The following ARK2C variants were observed in gnomAD, a reference collection of about 807,000 sequenced individuals.
ARK2C encodes the protein E3 ubiquitin-protein ligase ARK2C.
the ARK2C span, among the ~76,000 whole-genome samples, chr18:46,390,220 A>G: frequency 6.6e-6 from 1 of 152,208 alleles, no homozygotes; most frequent in South Asian, 2.1e-4. Flanking sequence ...ACTCTCACCT[A>G]GGATGTCCTG....
chr18:46,384,983 C>G, the ARK2C span, among the ~76,000 whole-genome samples: 1 of 152,230 alleles, frequency 6.6e-6, no homozygotes, highest in Non-Finnish European at 1.5e-5. Context: ...TTGATGGTCA[C>G]CTTTGTGCCC....
At chr18:46,334,294 G>T in the ARK2C span, 1 of 1,580,002 alleles carries the variant, frequency 6.3e-7, no homozygotes. This position sits in a 1 kb window ranked among gnomAD's most constrained non-coding sequence, Gnocchi z 4.4. Context: ...GTCCACGTCG[G>T]CTATCTCGTG....
chr18:46,338,417 C>T, the ARK2C span, among the ~76,000 whole-genome samples: 7 of 152,216 alleles, frequency 4.6e-5, no homozygotes, highest in African/African-American at 1.7e-4. Context: ...AGGCTGTGAG[C>T]CAGTTAAAGC....
chr18:46,366,218 G>A, the ARK2C span, among the ~76,000 whole-genome samples: 2 of 150,482 alleles, frequency 1.3e-5, no homozygotes, highest in African/African-American at 2.5e-5. Context: ...CTTGAACCCG[G>A]GAGGTGGAGG....
At chr18:46,395,653 G>A in the ARK2C span, among the ~76,000 whole-genome samples, 2 of 152,150 alleles carry the variant, frequency 1.3e-5, no homozygotes, top group African/African-American at 2.4e-5. Flanking sequence ...CTGCTGCAGG[G>A]GATAAGATCT....
the ARK2C span, chr18:46,460,205 A>T: frequency 6.6e-6 from 1 of 152,550 alleles, no homozygotes; most frequent in East Asian, 1.9e-4. Flanking sequence ...AAAGCACCAG[A>T]CTTTTTTTCT....
chr18:46,373,327 C>T, the ARK2C span, among the ~76,000 whole-genome samples: 1 of 152,266 alleles, frequency 6.6e-6, no homozygotes, highest in Non-Finnish European at 1.5e-5. Context: ...TCTAAGATTC[C>T]ATTCCTGCCC....
chr18:46,428,226 T>A, the ARK2C span, among the ~76,000 whole-genome samples: 1 of 152,020 alleles, frequency 6.6e-6, no homozygotes, highest in Non-Finnish European at 1.5e-5. Flanking sequence ...CTGGCCAACA[T>A]GGTGAAACCC....
chr18:46,369,947 A>G, the ARK2C span, among the ~76,000 whole-genome samples: 1 of 151,198 alleles, frequency 6.6e-6, no homozygotes, highest in African/African-American at 2.5e-5. Flanking sequence ...ACACACACAC[A>G]CGCACACACG....
the ARK2C span, among the ~76,000 whole-genome samples, chr18:46,411,765 A>C: frequency 6.6e-6 from 1 of 152,246 alleles, no homozygotes; most frequent in East Asian, 1.9e-4. Flanking sequence ...CAATGTGAAC[A>C]AAAGGGGGAC....
chr18:46,355,337 C>T, the ARK2C span, among the ~76,000 whole-genome samples: 7 of 152,116 alleles, frequency 4.6e-5, no homozygotes, highest in Non-Finnish European at 7.3e-5. Flanking sequence ...GTCCCGAGGT[C>T]CCTCTGAAGA....
the ARK2C span, among the ~76,000 whole-genome samples, chr18:46,364,494 C>T: frequency 6.6e-6 from 1 of 152,106 alleles, no homozygotes; most frequent in South Asian, 2.1e-4. Context: ...GAGAACCCTT[C>T]GTGATGCCGA....
At chr18:46,437,496 C>T in the ARK2C span, among the ~76,000 whole-genome samples, 1 of 152,134 alleles carries the variant, frequency 6.6e-6, no homozygotes, top group African/African-American at 2.4e-5. Context: ...CATCAGAGAC[C>T]ACAGACTTCT....
At chr18:46,444,610 C>T in the ARK2C span, among the ~76,000 whole-genome samples, 1 of 151,940 alleles carries the variant, frequency 6.6e-6, no homozygotes, top group South Asian at 2.1e-4. Flanking sequence ...GACCAGAGGA[C>T]ACACCACCAT....
chr18:46,436,486 A>G, the ARK2C span, among the ~76,000 whole-genome samples: 2 of 152,192 alleles, frequency 1.3e-5, no homozygotes, highest in Non-Finnish European at 2.9e-5. Context: ...TAATCTATCA[A>G]TGGAAAAGAA....
At chr18:46,342,950 A>G in the ARK2C span, among the ~76,000 whole-genome samples, 1 of 152,034 alleles carries the variant, frequency 6.6e-6, no homozygotes, top group East Asian at 1.9e-4. Context: ...TACATTCTCT[A>G]TTTCCTATTT....
At chr18:46,435,159 C>T in the ARK2C span, 1 of 684,384 alleles carries the variant, frequency 1.5e-6, no homozygotes, top group Admixed American at 2.4e-5. Flanking sequence ...TCAGTGCTTG[C>T]TAGACTGTGG....
At chr18:46,349,920 C>T in the ARK2C span, among the ~76,000 whole-genome samples, 1 of 152,210 alleles carries the variant, frequency 6.6e-6, no homozygotes, top group South Asian at 2.1e-4. Flanking sequence ...TTTACACATT[C>T]ATCCACAGTT....
At chr18:46,413,749 G>T in the ARK2C span, among the ~76,000 whole-genome samples, 1 of 152,054 alleles carries the variant, frequency 6.6e-6, no homozygotes, top group East Asian at 1.9e-4. Context: ...TGCTCTGTGT[G>T]TTTTAAAAAG....
Sources: allele counts gnomAD v4.1 joint callset (sites outside exome capture counted in the v4.1 genomes callset), GRCh38; gene constraint gnomAD v4.1.1; non-coding constraint Gnocchi (gnomAD v3.1); transcripts MANE v1.5; gene names NCBI Gene and HGNC (gene_info 2026-07-23, HGNC 2026-07-21).